Variants in ITGA6 observed in about 807,000 individuals in gnomAD.
ITGA6 encodes the protein integrin alpha-6.
Under a neutral mutation model 133.6 loss-of-function variants are expected in ITGA6, and 63 were observed. The observed-to-expected ratio is 0.47, with a 90% CI of 0.38 to 0.58. The LOEUF is 0.58. ITGA6 is among the 20% of genes least tolerant of loss of function. The probability of loss-of-function intolerance (pLI) is 0.00; values close to 1 mark genes in which losing one functional copy is unlikely to be tolerated. For missense variants in ITGA6, 1,068 were observed against 1,309.4 expected (o/e 0.82, Z 2.85); for synonymous variants, 434 against 482.0 (o/e 0.90, Z 1.30).
Position 172,469,296 on chromosome 2 carries a change from T to G in ITGA6, c.559T>G (p.Ser187Ala). The G allele has an allele frequency of 6.2e-7, 1 of 1,614,184 alleles. No homozygotes were observed. ...GRLRGHEKFG[S>A]CQQGVAATFT... ...ATTGAGAGGCCATGAGAAATTTGGC[T>G]CTTGCCAGCAAGGTGTAGCAGCTAC... Residue 187 changes from serine (S) to alanine (A), a missense_variant, in exon 4 of 26, where the codon TCT becomes GCT. Physicochemically the swap from Ser to Ala is moderately conservative, Grantham distance 99. This residue lies in a region of ITGA6 where 317 missense variants were observed against 456.9 expected (regional missense o/e 0.69). Coordinates refer to ENST00000684293, the MANE Select transcript of ITGA6 (RefSeq NM_000210.4).
chr2:172,465,437 T>C, intron 1 of ITGA6, 102 bp from the exon 2 acceptor site: 1 of 1,372,372 alleles, frequency 7.3e-7, no homozygotes, highest in South Asian at 1.2e-5. Flanking sequence ...ATTAGTGGAC[T>C]CCTAGACAAA....
Position 172,427,776 on chromosome 2 carries a change from C to A in ITGA6, c.-13C>A. The A allele has an allele frequency of 6.3e-7, 1 of 1,580,918 alleles. No individual in the cohort carries two copies. The highest frequency in any genetic ancestry group is 1.4e-5 in the African/African-American group (1 of 72,626). ...CGCTGCAGGTCCCCGCTCCCCTCCC[C>A]GTGCGTCCGCCCATGGCCGCCGCCG... On this transcript the variant is annotated 5_prime_UTR_variant, in exon 1 of 26. Transcript: ENST00000684293.
chr2:172,439,488 A>T (rs927370693), intron 1 of ITGA6, among the ~76,000 whole-genome samples: 1 of 151,936 alleles, frequency 6.6e-6, no homozygotes, highest in Non-Finnish European at 1.5e-5. Flanking sequence ...GGACTTGAGC[A>T]TACATTCCCC....
At chr2:172,476,290 C>T (rs908354011) in intron 8 of ITGA6, 105 bp from the exon 9 acceptor site, 12 of 776,106 alleles carry the variant, frequency 1.5e-5, no homozygotes, top group Non-Finnish European at 2.2e-5. Context: ...TATAAGTGAA[C>T]TCTCAAATTT....
intron 23 of ITGA6, 124 bp from the exon 24 acceptor site, chr2:172,497,851 C>T (rs1228669300): frequency 1.1e-6 from 1 of 915,406 alleles, no homozygotes; most frequent in Admixed American, 1.7e-5. Context: ...ATCAGAAAGT[C>T]ATCTCATCCA....
In ITGA6 at chr2:172,504,605, C is replaced by CA. The variant is rs1314618027; in HGVS notation, c.*538dup. ...GTGTAGCTGAGGAGGCACCTACACT[C>CA]ACCTGCACTAACAGAGTGGCCGTCC... On this transcript the variant is annotated 3_prime_UTR_variant, in exon 26 of 26. Coordinates refer to ENST00000684293, the MANE Select transcript of ITGA6 (RefSeq NM_000210.4). 5.6e-6 allele frequency: 1 copy of CA among 178,070 alleles called. No individual in the cohort carries two copies. The highest frequency in any genetic ancestry group is 2.4e-5 in the African/African-American group (1 of 42,122). The allele number at this position is 178,070 out of a possible 1,614,324, so 11.0% of individuals were successfully genotyped here. A position where few individuals can be genotyped will look rare whatever the true frequency, so the allele number is the denominator to read the frequency against.
At chr2:172,450,659 AAGAT>A (rs1323258907) in intron 1 of ITGA6, among the ~76,000 whole-genome samples, 5 of 151,958 alleles carry the variant, frequency 3.3e-5, no homozygotes, top group African/African-American at 1.2e-4. Context: ...TACATTTAGT[AAGAT>A]AGAGAAGGGG....
intron 25 of ITGA6, 41 bp downstream of exon 25, chr2:172,501,942 G>A (rs370351043): frequency 8.2e-6 from 13 of 1,577,072 alleles, no homozygotes; most frequent in East Asian, 4.5e-5. Context: ...TGTGGGACCC[G>A]CTATGGTTGT....
chr2:172,453,242 C>T (rs1284696524), intron 1 of ITGA6, among the ~76,000 whole-genome samples: 1 of 151,554 alleles, frequency 6.6e-6, no homozygotes, highest in Non-Finnish European at 1.5e-5. Flanking sequence ...AATCACAGTA[C>T]AGGGCTGGGC....
chr2:172,453,579 C>T (rs1389010332), intron 1 of ITGA6, among the ~76,000 whole-genome samples: 2 of 152,178 alleles, frequency 1.3e-5, no homozygotes, highest in South Asian at 4.1e-4. Flanking sequence ...TTTTTAAGAA[C>T]TAGAGCCTTC....
Position 172,474,585 on chromosome 2 carries a change from A to G in ITGA6, c.986+320A>G, listed in dbSNP as rs118037885. Among the ~76,000 whole-genome samples the G allele has an allele frequency of 5.5e-4, 84 of 152,348 alleles. 1 individual carries two copies. In the East Asian group the frequency reaches 9.1e-3, roughly 16 times the overall value. On this transcript the variant is annotated intron_variant, in intron 6 of 25. Transcript: ENST00000684293. ...TGTTCTGTGGTTTCATATGGGGCTG[A>G]TGGAGCATCAGCTCCCGTTGAAAAC...
At chr2:172,442,719 G>C (rs1472232999) in intron 1 of ITGA6, among the ~76,000 whole-genome samples, 1 of 152,182 alleles carries the variant, frequency 6.6e-6, no homozygotes, top group Non-Finnish European at 1.5e-5. Context: ...GTAGGTACGT[G>C]TTTGTGAGCT....
rs551353796 is a variant in ITGA6 at position 172,466,895 on chromosome 2, T to C, written c.308-586T>C. The stretch of plus-strand genomic sequence containing the variant: ...CAGTGGGTTTAAATTGATACTGAAA[T>C]GAGCACCTGGTGGTGTTTGTGGTCC... On this transcript the variant is annotated intron_variant, in intron 2 of 25. Coordinates refer to ENST00000684293, the MANE Select transcript of ITGA6 (RefSeq NM_000210.4). 3.9e-5 allele frequency among the ~76,000 whole-genome samples: 6 copies of C among 152,318 alleles called. No individual in the cohort carries two copies. The East Asian group carries it at 5.8e-4, about 15-fold the overall frequency.
chr2:172,465,362 C>T (rs142374190), intron 1 of ITGA6, 177 bp from the exon 2 acceptor site: 26 of 735,702 alleles, frequency 3.5e-5, no homozygotes, highest in Non-Finnish European at 5.8e-5. Context: ...TGTGTTTGTG[C>T]GTTTTGCATG....
intron 1 of ITGA6, among the ~76,000 whole-genome samples, chr2:172,431,985 A>G (rs548777303): frequency 7.9e-5 from 12 of 152,306 alleles, no homozygotes; most frequent in African/African-American, 2.6e-4. Flanking sequence ...ATAACAATAT[A>G]TTGAGATTTA....
intron 1 of ITGA6, among the ~76,000 whole-genome samples, chr2:172,463,569 A>G (rs994985447): frequency 1.3e-5 from 2 of 152,208 alleles, no homozygotes; most frequent in Non-Finnish European, 2.9e-5. Flanking sequence ...TTGTAAAGAA[A>G]TGGAGACAAC....
chr2:172,497,767 T>A (rs902106852), intron 23 of ITGA6, among the ~76,000 whole-genome samples: 18 of 152,192 alleles, frequency 1.2e-4, no homozygotes, highest in African/African-American at 4.3e-4. Context: ...CAACCCAGCA[T>A]TTTCAAGATT....
At chr2:172,457,992 G>GT (rs1241860061) in intron 1 of ITGA6, among the ~76,000 whole-genome samples, 4 of 152,194 alleles carry the variant, frequency 2.6e-5, no homozygotes, top group African/African-American at 9.6e-5. Flanking sequence ...CCAACCAAGA[G>GT]TGATCAGGTA....
Position 172,487,529 on chromosome 2 carries a change from CGT to C in ITGA6, c.2161-13_2161-12del, listed in dbSNP as rs2149074104. ...GGCAAATGAGTGGATTGTGACCTAG[CGT>C]GTGTTTCTTTTACAGGAGAAACAGT... On this transcript the variant is annotated splice_polypyrimidine_tract_variant and intron_variant, in intron 15 of 25. Transcript: ENST00000684293. 6.2e-7 allele frequency: 1 copy of C among 1,612,274 alleles called. No individual in the cohort carries two copies. Among genetic ancestry groups the C allele is most frequent in the Non-Finnish European group, 8.5e-7 (1 of 1,178,280 alleles).
Sources: allele counts gnomAD v4.1 joint callset (sites outside exome capture counted in the v4.1 genomes callset), GRCh38; gene constraint gnomAD v4.1.1; regional missense constraint gnomAD v4.1.1; transcripts MANE v1.5; gene names NCBI Gene and HGNC (gene_info 2026-07-23, HGNC 2026-07-21).